Variants in ARVCF observed in about 807,000 individuals in gnomAD.
ARVCF encodes the protein splicing regulator ARVCF.
In ARVCF, 66 loss-of-function variants were observed where a neutral mutation model predicts 90.9. That is an observed-to-expected ratio of 0.73 (90% CI 0.60 to 0.89). The LOEUF (loss-of-function observed/expected upper bound fraction) is 0.89. Among genes scored for constraint, ARVCF ranks in the 40% least tolerant of loss-of-function variants. The pLI is 0.00. For missense variants in ARVCF, 1,469 were observed against 1,382.3 expected (o/e 1.06, Z -1.00); for synonymous variants, 653 against 603.4 (o/e 1.08, Z -1.21).
chr22:20,000,476 C>T (rs1246805667), intron 2 of ARVCF, among the ~76,000 whole-genome samples: 1 of 149,586 alleles, frequency 6.7e-6, no homozygotes, highest in African/African-American at 2.5e-5. Context: ...GGGCAGATTC[C>T]AGGCCCTGCA....
At chr22:19,988,658 G>A (rs531986834) in intron 3 of ARVCF, among the ~76,000 whole-genome samples, 9 of 152,358 alleles carry the variant, frequency 5.9e-5, no homozygotes, top group African/African-American at 1.9e-4. Flanking sequence ...CCATTGCCCT[G>A]GCTTCCCAAA....
At chr22:19,981,146 G>A (rs922449592) in intron 5 of ARVCF, 65 bp downstream of exon 5, 5 of 1,456,632 alleles carry the variant, frequency 3.4e-6, no homozygotes, top group African/African-American at 1.4e-5. Context: ...GGGGCACTCT[G>A]TAGTTGGGGG....
At chr22:20,005,200 A>T (rs894227096) in intron 2 of ARVCF, among the ~76,000 whole-genome samples, 1 of 152,206 alleles carries the variant, frequency 6.6e-6, no homozygotes, top group Admixed American at 6.5e-5. Flanking sequence ...CAGCAAAAAA[A>T]CACAAATAAC....
chr22:19,979,734 C>A lies in ARVCF; in HGVS notation c.1396+9G>T, dbSNP rs1486462933. On this transcript the variant is annotated intron_variant, in intron 6 of 19. Transcript: ENST00000263207. The stretch of plus-strand genomic sequence containing the variant: ...CCAGGGGATGTGAGCATGGCCAGGT[C>A]CCACTCACCAGTGACAAGCTCACGG... The A allele has an allele frequency of 6.3e-6, 10 of 1,587,868 alleles. No individual in the cohort carries two copies. The highest frequency in any genetic ancestry group is 1.7e-5 in the Admixed American group (1 of 58,966).
At chr22:20,005,457 A>C (rs2146468594) in intron 2 of ARVCF, among the ~76,000 whole-genome samples, 1 of 152,294 alleles carries the variant, frequency 6.6e-6, no homozygotes, top group Non-Finnish European at 1.5e-5. Flanking sequence ...TCAGTATGGC[A>C]ATTCCTCAAA....
chr22:20,007,126 C>T (rs1302263773), intron 2 of ARVCF, among the ~76,000 whole-genome samples: 2 of 152,068 alleles, frequency 1.3e-5, no homozygotes. Context: ...TGGCCGGGAG[C>T]GGTGGCTCAC....
At chr22:20,007,700 G>A (rs1053204979) in intron 2 of ARVCF, among the ~76,000 whole-genome samples, 3 of 152,332 alleles carry the variant, frequency 2.0e-5, no homozygotes, top group Admixed American at 6.5e-5. Flanking sequence ...CTCCTTCAGC[G>A]CTCTCTCACG....
intron 19 of ARVCF, 119 bp downstream of exon 19, chr22:19,971,097 G>A: frequency 1.3e-6 from 2 of 1,506,472 alleles, no homozygotes; most frequent in Non-Finnish European, 1.8e-6. Context: ...TGGACTGGAG[G>A]CCAAAGTCCT....
chr22:19,977,548 G>A lies in ARVCF; in HGVS notation c.1737C>T (p.Ser579=), dbSNP rs1601590977. 1 of 1,581,598 alleles carries A rather than the reference G, an allele frequency of 6.3e-7. No individual in the cohort carries two copies. The highest frequency in any genetic ancestry group is 1.1e-5 in the South Asian group (1 of 87,606). ...ENCVCIMRNL[S]YHVHKEVPGA... The stretch of plus-strand genomic sequence containing the variant: ...CGGGCACCTCCTTGTGCACGTGGTA[G>A]GACAGGTTCCGCATGATGCACACGC... Residue 579 remains serine (S), a synonymous_variant, in exon 9 of 20, where the codon TCC becomes TCT. Transcript: ENST00000263207.
At chr22:19,971,077 A>G (rs1033194289) in intron 19 of ARVCF, 139 bp downstream of exon 19, 4 of 1,401,246 alleles carry the variant, frequency 2.9e-6, no homozygotes, top group Non-Finnish European at 3.9e-6. Context: ...GGAATGGGCC[A>G]CTGGGCTGCT....
intron 3 of ARVCF, among the ~76,000 whole-genome samples, chr22:19,988,879 G>T (rs538110208): frequency 6.6e-6 from 1 of 151,992 alleles, no homozygotes; most frequent in African/African-American, 2.4e-5. Context: ...GAGTTCAGGG[G>T]CAGGGGTGGT....
intron 2 of ARVCF, among the ~76,000 whole-genome samples, chr22:20,007,665 T>C (rs912801906): frequency 6.6e-6 from 1 of 152,160 alleles, no homozygotes; most frequent in African/African-American, 2.4e-5. Flanking sequence ...CGGGAGCAGG[T>C]TACTGATAAA....
chr22:19,976,573 A>G (rs373005272), intron 10 of ARVCF, 133 bp downstream of exon 10: 6 of 1,227,784 alleles, frequency 4.9e-6, no homozygotes, highest in Non-Finnish European at 5.7e-6. Context: ...CCCACCTGCC[A>G]CTGTCATAAA....
intron 2 of ARVCF, among the ~76,000 whole-genome samples, chr22:20,009,505 A>C (rs1944749692): frequency 6.6e-6 from 1 of 152,240 alleles, no homozygotes; most frequent in Admixed American, 6.5e-5. Context: ...GAGAAACCAC[A>C]GGGCTGTCAG....
intron 3 of ARVCF, chr22:19,986,552 TA>T (rs971934023): frequency 1.3e-5 from 2 of 152,622 alleles, no homozygotes; most frequent in African/African-American, 4.8e-5. Context: ...AGACTTCCAT[TA>T]AAGCTCCGGA....
intron 8 of ARVCF, 151 bp downstream of exon 8, chr22:19,977,807 A>T: frequency 2.8e-6 from 3 of 1,067,514 alleles, no homozygotes; most frequent in Non-Finnish European, 4.0e-6. Flanking sequence ...TGCCCACTTC[A>T]GTGTGGTCAC....
chr22:20,002,470 AAAAC>A (rs531598238), intron 2 of ARVCF, among the ~76,000 whole-genome samples: 13 of 152,224 alleles, frequency 8.5e-5, no homozygotes, highest in Non-Finnish European at 1.2e-4. Context: ...CAGCTTTGTT[AAAAC>A]AAACAAACGC....
chr22:19,996,620 G>C (rs1051363349), intron 2 of ARVCF, among the ~76,000 whole-genome samples: 1 of 152,126 alleles, frequency 6.6e-6, no homozygotes, highest in African/African-American at 2.4e-5. Flanking sequence ...AGCCCATTAG[G>C]TGCTCTCATA....
intron 2 of ARVCF, among the ~76,000 whole-genome samples, chr22:19,992,666 C>T (rs995349566): frequency 1.3e-5 from 2 of 152,324 alleles, no homozygotes; most frequent in African/African-American, 2.4e-5. Flanking sequence ...GGAAATGGGA[C>T]GCTGCCTTGG....
Sources: allele counts gnomAD v4.1 joint callset (sites outside exome capture counted in the v4.1 genomes callset), GRCh38; gene constraint gnomAD v4.1.1; transcripts MANE v1.5; gene names NCBI Gene and HGNC (gene_info 2026-07-23, HGNC 2026-07-21).